DENND2B: variants seen among roughly 807,000 people sequenced by gnomAD.
DENND2B encodes the protein DENN domain containing 2B.
A neutral mutation model predicts 116.0 loss-of-function variants in DENND2B; 32 were observed. That is an observed-to-expected ratio of 0.28 (90% confidence interval 0.21 to 0.37). The LOEUF is 0.37. DENND2B is among the 10% of genes least tolerant of loss of function. The probability of loss-of-function intolerance (pLI) is 1.00; values close to 1 mark genes in which losing one functional copy is unlikely to be tolerated. For synonymous variants in DENND2B, 588 were observed against 583.9 expected, an observed-to-expected ratio of 1.01 and a Z score of -0.10; for missense variants, 1,276 against 1,477.7, an observed-to-expected ratio of 0.86 and a Z score of 2.24.
At chr11:8,700,351 A>C (rs1205847407) in intron 14 of DENND2B, among the ~76,000 whole-genome samples, 1 of 152,208 alleles carries the variant, frequency 6.6e-6, no homozygotes, top group Non-Finnish European at 1.5e-5. Context: ...GAGACACAGA[A>C]GCATTGAGGC....
At position 8,707,901 on chromosome 11, in the gene DENND2B, G is replaced by A. The variant is rs747796192; in HGVS notation, c.2353-47C>T. The A allele has an allele frequency of 2.5e-6, 4 of 1,577,606 alleles. No individual in the cohort carries two copies. The East Asian group carries it at 9.1e-5, about 36-fold the overall frequency. Reference sequence around the variant, plus strand: ...GAGGAGAGAGACAGACACAGAGAATGCATGATTACCATTTCTGGCTCCTTT... The same window carrying A: ...GAGGAGAGAGACAGACACAGAGAATACATGATTACCATTTCTGGCTCCTTT... On this transcript the variant is annotated intron_variant, in intron 11 of 19. Transcript: ENST00000313726. This position sits in a 1 kb window ranked among gnomAD's most constrained non-coding sequence, Gnocchi z 4.8.
At chr11:8,841,385 T>C (rs1289895759) in intron 3 of DENND2B, among the ~76,000 whole-genome samples, 23 of 152,128 alleles carry the variant, frequency 1.5e-4, no homozygotes, top group Admixed American at 1.5e-3. Context: ...ACGCCTGTAA[T>C]CCCAGCACTC....
intron 1 of DENND2B, chr11:8,757,175 A>G (rs2134089438): frequency 2.2e-6 from 1 of 445,870 alleles, no homozygotes; most frequent in African/African-American, 2.0e-5. Flanking sequence ...ACCTTGCTCC[A>G]GTGAGTGTCA....
chr11:8,764,685 G>C lies in DENND2B; in HGVS notation c.-25-13960C>G, dbSNP rs538902691. Among the ~76,000 whole-genome samples, 13 of 152,206 alleles carry C rather than the reference G, an allele frequency of 8.5e-5. No individual in the cohort carries two copies. The South Asian group carries it at 2.7e-3, about 32-fold the overall frequency. On this transcript the variant is annotated intron_variant, in intron 1 of 19. Coordinates refer to ENST00000313726, the MANE Select transcript of DENND2B (RefSeq NM_213618.2). ...TCTATCTGGATAAAGAATTAGAAAA[G>C]GGGCTGGGCATGGTGGCTCACGCCT...
chr11:8,757,256 A>AAT, intron 1 of DENND2B: 1 of 358,702 alleles, frequency 2.8e-6, no homozygotes, highest in Non-Finnish European at 5.5e-6. Flanking sequence ...CCTGTCTGGC[A>AAT]ATAGAAGCTT....
At chr11:8,715,886 G>T in intron 5 of DENND2B, 68 bp from the exon 6 acceptor site, 1 of 1,446,864 alleles carries the variant, frequency 6.9e-7, no homozygotes, top group Non-Finnish European at 9.3e-7. Context: ...CTGTCTGCTG[G>T]GATGGGGACA....
At chr11:8,750,010 G>A (rs939797122) in intron 2 of DENND2B, among the ~76,000 whole-genome samples, 24 of 152,280 alleles carry the variant, frequency 1.6e-4, no homozygotes, top group African/African-American at 5.5e-4. Flanking sequence ...ATAATGCTAA[G>A]CACTGACATA....
intron 2 of DENND2B, among the ~76,000 whole-genome samples, chr11:8,859,303 T>C (rs2063309663): frequency 7.0e-6 from 1 of 142,916 alleles, no homozygotes; most frequent in African/African-American, 2.7e-5. Flanking sequence ...TTTTTGTTTG[T>C]TTGTTTGTTT....
rs1286052768 is a variant in DENND2B, at chr11:8,712,536, G to C, written c.2172+15C>G. 6.5e-7 allele frequency: 1 copy of C among 1,548,152 alleles called. No individual in the cohort carries two copies. The highest frequency in any genetic ancestry group is 8.7e-7 in the Non-Finnish European group (1 of 1,144,272). On this transcript the variant is annotated intron_variant, in intron 9 of 19. Transcript: ENST00000313726. This position sits in a 1 kb window ranked among gnomAD's most constrained non-coding sequence, Gnocchi z 4.4. ...AGGGGGAATATGGGCAAGGTGGGGA[G>C]AGAGAAGGCCTCACCTTGGGAAACT...
At chr11:8,735,857 G>A (rs1330442694) in intron 2 of DENND2B, among the ~76,000 whole-genome samples, 1 of 152,258 alleles carries the variant, frequency 6.6e-6, no homozygotes, top group Non-Finnish European at 1.5e-5. Context: ...AGTTTGCACA[G>A]CAGGTGTCAT....
In DENND2B at chr11:8,738,461, G is replaced by C. The variant is rs556655657; in HGVS notation, c.81-7252C>G. On this transcript the variant is annotated intron_variant, in intron 2 of 19. Transcript: ENST00000313726. Reference sequence around the variant, plus strand: ...GCTCTAGAGAAACTCATTCCAGAGGGGGGAGAAAAGGTCAGAGTTTGTTCC... The same window carrying C: ...GCTCTAGAGAAACTCATTCCAGAGGCGGGAGAAAAGGTCAGAGTTTGTTCC... Among the ~76,000 whole-genome samples, 11 of 152,198 alleles carry C rather than the reference G, an allele frequency of 7.2e-5. No individual in the cohort carries two copies. The South Asian group carries it at 2.3e-3, about 32-fold the overall frequency.
intron 2 of DENND2B, among the ~76,000 whole-genome samples, chr11:8,740,036 A>T (rs1021937398): frequency 1.1e-4 from 16 of 151,876 alleles, no homozygotes; most frequent in Admixed American, 6.6e-4. Context: ...AAAAAAATTT[A>T]AAAATTAGCT....
chr11:8,775,439 C>T (rs1003339593), intron 1 of DENND2B, among the ~76,000 whole-genome samples: 10 of 152,294 alleles, frequency 6.6e-5, no homozygotes, highest in Non-Finnish European at 1.2e-4. Context: ...AGGCAGTTCC[C>T]GGGCTTCAGA....
At chr11:8,722,187 T>C (rs1230495560) in intron 4 of DENND2B, among the ~76,000 whole-genome samples, 1 of 152,184 alleles carries the variant, frequency 6.6e-6, no homozygotes, top group East Asian at 1.9e-4. Context: ...CCACCCCAGC[T>C]CCTCAGGCAT....
chr11:8,722,471 G>A (rs956745070), intron 4 of DENND2B, among the ~76,000 whole-genome samples: 2 of 151,992 alleles, frequency 1.3e-5, no homozygotes, highest in Admixed American at 1.3e-4. Context: ...CCAGAGAGAC[G>A]GCTCCCAGGA....
chr11:8,702,836 C>G lies in DENND2B; in HGVS notation c.2572-116G>C. On this transcript the variant is annotated intron_variant, in intron 13 of 19. Coordinates refer to ENST00000313726, the MANE Select transcript of DENND2B (RefSeq NM_213618.2). The surrounding 1 kb of genome is among the most constrained non-coding windows in gnomAD (Gnocchi z 4.6). Reference sequence around the variant, plus strand: ...TTCCAACCTGCTCTTTTCCAGGTCTCTCGTCTACCCTGCTATGCAGTAAAC... The same window carrying G: ...TTCCAACCTGCTCTTTTCCAGGTCTGTCGTCTACCCTGCTATGCAGTAAAC... 7.7e-7 allele frequency: 1 copy of G among 1,294,234 alleles called. No individual in the cohort carries two copies. The highest frequency in any genetic ancestry group is 1.4e-5 in the South Asian group (1 of 73,490). 80.2% of individuals were successfully genotyped at this position (1,294,234 alleles called of 1,614,324 possible).
intron 4 of DENND2B, among the ~76,000 whole-genome samples, chr11:8,833,018 TGCTTTCCAGGAAGCAGGC>T: frequency 6.6e-6 from 1 of 152,370 alleles, no homozygotes; most frequent in East Asian, 1.9e-4. Flanking sequence ...TGGCGTCACC[TGCTTTCCAGGAAGCAGGC>T]TTCATTTTCT....
intron 4 of DENND2B, among the ~76,000 whole-genome samples, chr11:8,721,181 G>A (rs1363222753): frequency 6.6e-6 from 1 of 151,594 alleles, no homozygotes; most frequent in Non-Finnish European, 1.5e-5. Flanking sequence ...TCTAAAAGGG[G>A]ATTATCAGAG....
rs1555092981 is a variant in DENND2B, at chr11:8,698,166, A to AAGG, written c.2941-531_2941-530insCCT. ...AAAAAAAAAAAAAAAAAAAAAAAAA[A>AAGG]GGGGGTAGAGCCAGTGTGGCATTCA... On this transcript the variant is annotated intron_variant, in intron 16 of 19. Transcript: ENST00000313726. Among the ~76,000 whole-genome samples, 48 of 129,442 alleles carry AAGG rather than the reference A, an allele frequency of 3.7e-4. 1 individual carries two copies. The highest frequency in any genetic ancestry group is 5.7e-4 in the Non-Finnish European group (35 of 61,838). The allele number at this position is 129,442 out of a possible 152,430, so 84.9% of individuals were successfully genotyped here. A position where few individuals can be genotyped will look rare whatever the true frequency, so the allele number is the denominator to read the frequency against.
Sources: allele counts gnomAD v4.1 joint callset (sites outside exome capture counted in the v4.1 genomes callset), GRCh38; gene constraint gnomAD v4.1.1; non-coding constraint Gnocchi (gnomAD v3.1); transcripts MANE v1.5; gene names NCBI Gene and HGNC (gene_info 2026-07-23, HGNC 2026-07-21).